DPP10: variants seen among roughly 807,000 people sequenced by gnomAD.
The protein encoded by DPP10 is inactive dipeptidyl peptidase 10.
In DPP10, 33 loss-of-function variants were observed where a neutral mutation model predicts 120.9. The observed-to-expected ratio is 0.27, with a 90% CI of 0.21 to 0.37. The LOEUF is 0.37. Among genes scored for constraint, DPP10 ranks in the 10% least tolerant of loss-of-function variants. DPP10 has a pLI of 1.00. For synonymous variants in DPP10, 337 were observed against 326.1 expected (o/e 1.03, Z -0.36); for missense variants, 816 against 942.8 (o/e 0.87, Z 1.76).
chr2:114,514,689 G>A (rs1403962892), intron 1 of DPP10, among the ~76,000 whole-genome samples: 1 of 152,040 alleles, frequency 6.6e-6, no homozygotes, highest in Non-Finnish European at 1.5e-5. Flanking sequence ...AGAGAAGAGT[G>A]GGAAAGGCCT....
At chr2:114,746,279 A>G (rs538238476) in intron 1 of DPP10, among the ~76,000 whole-genome samples, 15 of 152,264 alleles carry the variant, frequency 9.9e-5, no homozygotes, top group South Asian at 2.1e-4. Flanking sequence ...ACTTTGCTCA[A>G]TAGATGTCCC....
intron 1 of DPP10, among the ~76,000 whole-genome samples, chr2:114,889,380 TTTGAAATTTTATACATA>T (rs1363529109): frequency 1.3e-5 from 2 of 151,968 alleles, no homozygotes; most frequent in Admixed American, 6.6e-5. Context: ...CTAAACAAAT[TTTGAAATTTTATACATA>T]TTGAAATTTT....
At chr2:115,550,219 T>G (rs919495704) in intron 5 of DPP10, among the ~76,000 whole-genome samples, 15 of 152,160 alleles carry the variant, frequency 9.9e-5, no homozygotes, top group African/African-American at 3.4e-4. Flanking sequence ...AATATGCATG[T>G]GAAGTATCAT....
At chr2:114,997,380 T>C (rs1233396154) in intron 1 of DPP10, among the ~76,000 whole-genome samples, 1 of 150,308 alleles carries the variant, frequency 6.7e-6, no homozygotes, top group African/African-American at 2.5e-5. Context: ...TAGTCCCAGC[T>C]ACTTGGGAGT....
chr2:115,005,004 T>C (rs532384289), intron 1 of DPP10, among the ~76,000 whole-genome samples: 5 of 152,026 alleles, frequency 3.3e-5, no homozygotes, highest in South Asian at 4.2e-4. Context: ...GTTCTCCCAG[T>C]AGGCAGCTGG....
intron 1 of DPP10, among the ~76,000 whole-genome samples, chr2:114,518,330 G>A (rs1026894772): frequency 2.0e-5 from 3 of 151,922 alleles, no homozygotes; most frequent in African/African-American, 7.3e-5. Flanking sequence ...CACCTGCCTC[G>A]GCCTCCCAAC....
At chr2:115,833,592 G>A (rs927771621) in intron 21 of DPP10, among the ~76,000 whole-genome samples, 5 of 152,010 alleles carry the variant, frequency 3.3e-5, no homozygotes, top group East Asian at 1.9e-4. Flanking sequence ...TTTGAGCACC[G>A]ACATCATAAT....
At chr2:115,665,320 C>T (rs2149423223) in intron 5 of DPP10, among the ~76,000 whole-genome samples, 1 of 152,280 alleles carries the variant, frequency 6.6e-6, no homozygotes, top group East Asian at 1.9e-4. Flanking sequence ...TAACATATTG[C>T]ATCCAATCTG....
intron 1 of DPP10, among the ~76,000 whole-genome samples, chr2:114,898,172 G>A (rs936149602): frequency 1.3e-5 from 2 of 152,252 alleles, no homozygotes; most frequent in East Asian, 1.9e-4. Flanking sequence ...GCAGCCATAA[G>A]AAATGATGAG....
rs189561204 is a variant in DPP10 at position 114,679,944 on chromosome 2, G to T, written c.60+237106G>T. 4.0e-3 allele frequency among the ~76,000 whole-genome samples: 605 copies of T among 152,070 alleles called. 4 individuals carry two copies. The highest frequency in any genetic ancestry group is 0.014 in the African/African-American group (577 of 41,508). On this transcript the variant is annotated intron_variant, in intron 1 of 25. Transcript: ENST00000410059. ...ATGTGTTGACAAAGTGCAGGATATA[G>T]GAAACCATTCTGCAAGTCATGACAG...
At chr2:115,810,343 C>T (rs769162116) in intron 19 of DPP10, among the ~76,000 whole-genome samples, 5 of 152,008 alleles carry the variant, frequency 3.3e-5, no homozygotes, top group Non-Finnish European at 7.4e-5. Context: ...AAATTCAACC[C>T]TCTTTTTAGA....
At chr2:114,803,048 G>A (rs1684400897) in intron 1 of DPP10, among the ~76,000 whole-genome samples, 1 of 152,132 alleles carries the variant, frequency 6.6e-6, no homozygotes, top group Non-Finnish European at 1.5e-5. Flanking sequence ...CCTACGTGTT[G>A]TACGAGGGAC....
intron 19 of DPP10, among the ~76,000 whole-genome samples, chr2:115,801,645 G>T (rs1029105166): frequency 6.6e-6 from 1 of 152,134 alleles, no homozygotes; most frequent in Non-Finnish European, 1.5e-5. Context: ...AGCATGAAGC[G>T]CTAGTGAATT....
At chr2:115,710,156 C>A (rs12711832) in intron 7 of DPP10, among the ~76,000 whole-genome samples, 145,157 of 152,134 alleles carry the variant, frequency 0.95, 69,631 homozygotes, top group East Asian at 1. Context: ...AAGGGACCCA[C>A]ACTACAAAAT....
At chr2:115,198,706 C>T (rs1347688803) in intron 1 of DPP10, among the ~76,000 whole-genome samples, 2 of 152,116 alleles carry the variant, frequency 1.3e-5, no homozygotes, top group East Asian at 3.9e-4. Context: ...CTCATCCCCC[C>T]AGCCCCACCC....
intron 1 of DPP10, among the ~76,000 whole-genome samples, chr2:114,770,888 C>T (rs1228382303): frequency 6.6e-6 from 1 of 152,102 alleles, no homozygotes; most frequent in African/African-American, 2.4e-5. Flanking sequence ...TATGTCTTGG[C>T]CACATCTCCT....
At chr2:115,360,911 C>T (rs1162344442) in intron 3 of DPP10, among the ~76,000 whole-genome samples, 1 of 152,100 alleles carries the variant, frequency 6.6e-6, no homozygotes, top group Non-Finnish European at 1.5e-5. Context: ...TGGTGTGGTA[C>T]CCAGGGCCTA....
chr2:115,826,175 G>C (rs1464455819), intron 21 of DPP10, among the ~76,000 whole-genome samples: 3 of 152,124 alleles, frequency 2.0e-5, no homozygotes, highest in Non-Finnish European at 4.4e-5. Context: ...TTTGGGTTTG[G>C]TGACATGGAA....
intron 7 of DPP10, among the ~76,000 whole-genome samples, chr2:115,710,565 T>C (rs1048724803): frequency 1.3e-5 from 2 of 152,208 alleles, no homozygotes; most frequent in East Asian, 3.9e-4. Flanking sequence ...CAAACAATAA[T>C]AGCATCATGG....
Sources: allele counts gnomAD v4.1 joint callset (sites outside exome capture counted in the v4.1 genomes callset), GRCh38; gene constraint gnomAD v4.1.1; transcripts MANE v1.5; gene names NCBI Gene and HGNC (gene_info 2026-07-23, HGNC 2026-07-21).